The following TMLHE variants were observed in gnomAD, a reference collection of about 807,000 sequenced individuals.
The protein encoded by TMLHE is trimethyllysine dioxygenase, mitochondrial.
TMLHE carries 18 observed loss-of-function variants against 25.7 expected under a neutral mutation model. The ratio of observed to expected loss-of-function variants is 0.70; its 90% CI spans 0.48 to 1.04. The LOEUF (loss-of-function observed/expected upper bound fraction) is 1.04. Ranked by LOEUF, TMLHE falls within the 50% of genes least tolerant of loss-of-function variation. The probability of loss-of-function intolerance (pLI) is 0.00; values close to 1 mark genes in which losing one functional copy is unlikely to be tolerated. For missense variants in TMLHE, 236 were observed against 259.0 expected (o/e 0.91, Z 0.61); for synonymous variants, 105 against 97.0 (o/e 1.08, Z -0.49).
At position 155,548,649 on chromosome X, in the gene TMLHE, C is replaced by T. The variant is rs145325414; in HGVS notation, c.-1-3372G>A. Among the ~76,000 whole-genome samples the T allele has an allele frequency of 8.3e-3, 901 of 108,187 alleles. 26 individuals carry two copies. Among genetic ancestry groups the T allele is most frequent in the African/African-American group, 0.024 (715 of 29,290 alleles). 93.9% of individuals were successfully genotyped at this position (108,187 alleles called of 115,157 possible). A position where few individuals can be genotyped will look rare whatever the true frequency, so the allele number is the denominator to read the frequency against. ...ACTCAGGAGGCTGAGGCAGGAGAAT[C>T]GCTTGAACCCAGGAGGCAAAGGTTG... On this transcript the variant is annotated intron_variant, in intron 1 of 7. Coordinates refer to ENST00000334398, the MANE Select transcript of TMLHE (RefSeq NM_018196.4).
chrX:155,555,610 G>T (rs1557340674), intron 1 of TMLHE, among the ~76,000 whole-genome samples: 3 of 109,431 alleles, frequency 2.7e-5, no homozygotes, highest in African/African-American at 1.0e-4. Context: ...GTTTTGATTT[G>T]CATTTCTCTG....
chrX:155,524,842 A>G (rs1220159483), intron 2 of TMLHE, among the ~76,000 whole-genome samples: 10 of 111,688 alleles, frequency 9.0e-5, no homozygotes, highest in Non-Finnish European at 1.7e-4. Flanking sequence ...ATGATGGAAG[A>G]GTATAAAAAG....
intron 6 of TMLHE, among the ~76,000 whole-genome samples, chrX:155,506,686 C>T (rs1557332712): frequency 9.0e-6 from 1 of 110,731 alleles, no homozygotes; most frequent in East Asian, 2.8e-4. Flanking sequence ...ATATTTGACC[C>T]CACCCCTAAA....
In TMLHE at chrX:155,558,305, T is replaced by A. The variant is rs192813786; in HGVS notation, c.-1-13028A>T. 6.2e-5 allele frequency among the ~76,000 whole-genome samples: 7 copies of A among 112,180 alleles called. No homozygotes were observed. The East Asian group carries it at 1.7e-3, about 27-fold the overall frequency. ...CATCTTTTAAGAATCAGTCTAGATA[T>A]CATCTCATCTAAGAAGTCTTCTCTA... On this transcript the variant is annotated intron_variant, in intron 1 of 7. Coordinates refer to ENST00000334398, the MANE Select transcript of TMLHE (RefSeq NM_018196.4).
intron 1 of TMLHE, among the ~76,000 whole-genome samples, chrX:155,554,874 C>T (rs1210019599): frequency 9.5e-6 from 1 of 104,885 alleles, no homozygotes; most frequent in Non-Finnish European, 2.0e-5. Context: ...CTGGTCTCTT[C>T]TTTTTTTTTT....
rs182143749 is a variant in TMLHE, at chrX:155,596,885, A to G, written c.-2+15907T>C. On this transcript the variant is annotated intron_variant, in intron 1 of 7. Transcript: ENST00000334398. ...CAGTGTTTCTTTTTTTTTAAATTCT[A>G]TTATTATTATACTTTAAGTTTTAGG... Among the ~76,000 whole-genome samples the G allele has an allele frequency of 4.7e-3, 520 of 109,727 alleles. 1 individual carries two copies. The highest frequency in any genetic ancestry group is 0.016 in the African/African-American group (491 of 30,145).
intron 2 of TMLHE, among the ~76,000 whole-genome samples, chrX:155,537,643 A>C (rs1557337759): frequency 8.2e-5 from 9 of 109,607 alleles, no homozygotes; most frequent in Non-Finnish European, 1.7e-4. Context: ...TTACCTCCTT[A>C]ATGTCCTCAC....
intron 1 of TMLHE, among the ~76,000 whole-genome samples, chrX:155,599,627 T>G (rs2067744740): frequency 8.9e-6 from 1 of 112,222 alleles, no homozygotes; most frequent in Non-Finnish European, 1.9e-5. Context: ...TGTTAAGGGG[T>G]ACTAAAACAT....
chrX:155,547,386 C>CA (rs2067357224), intron 1 of TMLHE, among the ~76,000 whole-genome samples: 1 of 110,435 alleles, frequency 9.1e-6, no homozygotes, highest in Admixed American at 9.6e-5. Flanking sequence ...CCTCGTGATC[C>CA]GCCGCCTCAG....
At chrX:155,534,038 A>G (rs1372290470) in intron 2 of TMLHE, among the ~76,000 whole-genome samples, 2 of 112,137 alleles carry the variant, frequency 1.8e-5, no homozygotes, top group Admixed American at 9.4e-5. Context: ...AAGTGTGTGC[A>G]TGAACCATGG....
intron 1 of TMLHE, among the ~76,000 whole-genome samples, chrX:155,558,657 A>G (rs1381579496): frequency 8.9e-6 from 1 of 112,010 alleles, no homozygotes; most frequent in African/African-American, 3.2e-5. Context: ...AATAATATTG[A>G]CTGGGTCAAT....
chrX:155,541,264 C>G (rs1557338155), intron 2 of TMLHE, among the ~76,000 whole-genome samples: 1 of 110,756 alleles, frequency 9.0e-6, no homozygotes, highest in Non-Finnish European at 1.9e-5. Context: ...CCTCATTGTT[C>G]AACTCCCACT....
At chrX:155,524,657 G>T in intron 2 of TMLHE, 25 bp from the exon 3 acceptor site, 1 of 1,120,781 alleles carries the variant, frequency 8.9e-7, no homozygotes, top group Non-Finnish European at 1.2e-6. Context: ...ACATTTATCA[G>T]AACTATTTAT....
chrX:155,593,537 A>G (rs2067703964), intron 1 of TMLHE, among the ~76,000 whole-genome samples: 1 of 112,025 alleles, frequency 8.9e-6, no homozygotes, highest in African/African-American at 3.3e-5. Flanking sequence ...AAGAAGAATC[A>G]AGGAATCATT....
intron 5 of TMLHE, among the ~76,000 whole-genome samples, chrX:155,508,940 G>A (rs1227442190): frequency 9.0e-6 from 1 of 110,741 alleles, no homozygotes; most frequent in Non-Finnish European, 1.9e-5. Flanking sequence ...TAGAGTCCAA[G>A]GAAGTACAAA....
At chrX:155,537,679 C>G (rs1237776583) in intron 2 of TMLHE, among the ~76,000 whole-genome samples, 1 of 110,215 alleles carries the variant, frequency 9.1e-6, no homozygotes, top group Non-Finnish European at 1.9e-5. Context: ...GCCCATATTC[C>G]ATGGTCCATC....
intron 3 of TMLHE, among the ~76,000 whole-genome samples, chrX:155,522,176 A>C (rs184848437): frequency 1.2e-3 from 139 of 111,741 alleles, no homozygotes; most frequent in Admixed American, 2.6e-3. Flanking sequence ...TTTTTTTTCT[A>C]TTGTAGAGAA....
In TMLHE at chrX:155,571,162, C is replaced by A. The variant is rs375105057; in HGVS notation, c.-1-25885G>T. Among the ~76,000 whole-genome samples, 9 of 56,840 alleles carry A rather than the reference C, an allele frequency of 1.6e-4. 2 individuals carry two copies. The Admixed American group carries it at 1.6e-3, about 10-fold the overall frequency. 49.4% of individuals were successfully genotyped at this position (56,840 alleles called of 115,157 possible). ...AATGATAAAGGGGATAGCACCACCACTCCCACAGAAATACAAACTACCATC... is the reference window on the plus strand; with the variant it reads ...AATGATAAAGGGGATAGCACCACCAATCCCACAGAAATACAAACTACCATC... On this transcript the variant is annotated intron_variant, in intron 1 of 7. Transcript: ENST00000334398.
chrX:155,547,085 A>G (rs1260621464), intron 1 of TMLHE, among the ~76,000 whole-genome samples: 1 of 111,509 alleles, frequency 9.0e-6, no homozygotes, highest in Admixed American at 9.5e-5. Context: ...AATCTCCCAA[A>G]AATCTACTCT....
Sources: allele counts gnomAD v4.1 joint callset (sites outside exome capture counted in the v4.1 genomes callset), GRCh38; gene constraint gnomAD v4.1.1; transcripts MANE v1.5; gene names NCBI Gene and HGNC (gene_info 2026-07-23, HGNC 2026-07-21).